The following TENM3 variants were observed in gnomAD, a reference collection of about 807,000 sequenced individuals.
TENM3 encodes teneurin transmembrane protein 3.
TENM3 carries 63 observed loss-of-function variants against 255.1 expected under a neutral mutation model. The observed-to-expected ratio is 0.25, with a 90% CI of 0.20 to 0.30. The LOEUF (loss-of-function observed/expected upper bound fraction) is 0.30, where lower values mean the gene tolerates loss of function less well. Among genes scored for constraint, TENM3 ranks in the 10% least tolerant of loss-of-function variants. The pLI is 1.00. For missense variants in TENM3, 2,929 were observed against 3,461.1 expected (o/e 0.85, Z 3.86); for synonymous variants, 1,306 against 1,322.3 (o/e 0.99, Z 0.27).
the TENM3 span, among the ~76,000 whole-genome samples, chr4:181,825,426 A>T: frequency 1.3e-5 from 1 of 76,102 alleles, no homozygotes; most frequent in Non-Finnish European, 3.6e-5. Context: ...AAAAAAAAAA[A>T]CAGAGAATAG....
At chr4:181,620,618 G>A in the TENM3 span, among the ~76,000 whole-genome samples, 29 of 150,602 alleles carry the variant, frequency 1.9e-4, no homozygotes, top group Non-Finnish European at 3.4e-4. Flanking sequence ...CTGACATTTG[G>A]CAGGGAAAGC....
intron 1 of TENM3, among the ~76,000 whole-genome samples, chr4:182,217,553 A>T (rs1001375940): frequency 6.6e-6 from 1 of 152,126 alleles, no homozygotes; most frequent in Non-Finnish European, 1.5e-5. Flanking sequence ...TGTTCGAGGT[A>T]CTTTACCGGT....
intron 3 of TENM3, among the ~76,000 whole-genome samples, chr4:182,518,630 C>T (rs1490171126): frequency 6.6e-6 from 1 of 152,150 alleles, no homozygotes; most frequent in African/African-American, 2.4e-5. Flanking sequence ...TGCCAACGAC[C>T]TGGATGAATT....
Position 182,346,782 on chromosome 4 carries a change from A to C in TENM3, c.364A>C (p.Asn122His). The C allele has an allele frequency of 6.2e-7, 1 of 1,613,622 alleles. No individual in the cohort carries two copies. Among genetic ancestry groups the C allele is most frequent in the Non-Finnish European group, 8.5e-7 (1 of 1,179,780 alleles). ...ISAGSDADTE[N>H]EAVMSPEHAM... ...TGCAGGGTCAGATGCTGATACTGAA[A>C]ATGAAGCAGTGATGTCCCCAGAGCA... Residue 122 changes from asparagine (N) to histidine (H), a missense_variant, in exon 3 of 28, where the codon AAT becomes CAT. Transcript: ENST00000511685.
intron 3 of TENM3, among the ~76,000 whole-genome samples, chr4:182,565,262 A>G (rs1372844669): frequency 1.3e-5 from 2 of 152,204 alleles, no homozygotes; most frequent in Non-Finnish European, 1.5e-5. Context: ...CACTCAAGAT[A>G]ATAGAACCGA....
chr4:181,814,109 T>G, the TENM3 span, among the ~76,000 whole-genome samples: 1 of 152,082 alleles, frequency 6.6e-6, no homozygotes, highest in African/African-American at 2.4e-5. Flanking sequence ...TAGAGAAGGT[T>G]AAGAAACAAA....
the TENM3 span, among the ~76,000 whole-genome samples, chr4:181,808,795 G>A: frequency 3.9e-5 from 6 of 152,190 alleles, no homozygotes; most frequent in Non-Finnish European, 5.9e-5. Flanking sequence ...ATTCTATTAC[G>A]ATCACATACT....
intron 1 of TENM3, among the ~76,000 whole-genome samples, chr4:182,278,491 G>T (rs913791276): frequency 6.6e-6 from 1 of 152,118 alleles, no homozygotes; most frequent in Non-Finnish European, 1.5e-5. Flanking sequence ...ATCTGCTGGG[G>T]CTGCTGAGTG....
chr4:182,038,218 A>T, the TENM3 span, among the ~76,000 whole-genome samples: 3 of 151,444 alleles, frequency 2.0e-5, no homozygotes, highest in African/African-American at 7.3e-5. Flanking sequence ...TCCATTGGCA[A>T]AGATTCATTG....
the TENM3 span, among the ~76,000 whole-genome samples, chr4:181,913,625 G>C: frequency 6.6e-6 from 1 of 152,128 alleles, no homozygotes. Flanking sequence ...TACAGAACAG[G>C]TGACCAGGGA....
chr4:182,681,636 C>T (rs1460571510), intron 10 of TENM3, among the ~76,000 whole-genome samples, 178 bp from the exon 11 acceptor site: 1 of 152,188 alleles, frequency 6.6e-6, no homozygotes, highest in African/African-American at 2.4e-5. Context: ...TAGGCTGGAT[C>T]TTAATGCTTT....
intron 1 of TENM3, among the ~76,000 whole-genome samples, chr4:182,229,775 T>C (rs1756441018): frequency 1.3e-5 from 2 of 152,172 alleles, no homozygotes; most frequent in African/African-American, 4.8e-5. Flanking sequence ...TCCATTTCTC[T>C]TGTGATAACA....
At chr4:182,582,458 G>A (rs10520536) in intron 3 of TENM3, among the ~76,000 whole-genome samples, 24,182 of 152,066 alleles carry the variant, frequency 0.16, 2,033 homozygotes, top group African/African-American at 0.22. Context: ...AGCCTATTGC[G>A]TAATCAGCTT....
At chr4:182,438,350 C>T (rs1772202754) in intron 3 of TENM3, among the ~76,000 whole-genome samples, 1 of 152,160 alleles carries the variant, frequency 6.6e-6, no homozygotes, top group Non-Finnish European at 1.5e-5. Flanking sequence ...AAGATATCTG[C>T]TTGTCTGAGT....
the TENM3 span, among the ~76,000 whole-genome samples, chr4:181,783,556 C>T: frequency 6.6e-6 from 1 of 152,132 alleles, no homozygotes; most frequent in Admixed American, 6.6e-5. Flanking sequence ...GAATCATTTT[C>T]TCTTTATTCC....
At chr4:182,531,651 C>G (rs1244972959) in intron 3 of TENM3, among the ~76,000 whole-genome samples, 1 of 152,136 alleles carries the variant, frequency 6.6e-6, no homozygotes, top group Non-Finnish European at 1.5e-5. Flanking sequence ...CTTCCAAGAC[C>G]TCTCCTGTGT....
chr4:182,241,537 TGAGGCGGAG>T (rs1757261075), upstream of TENM3, among the ~76,000 whole-genome samples: 1 of 147,750 alleles, frequency 6.8e-6, no homozygotes, highest in Non-Finnish European at 1.5e-5. Context: ...TTTTTTTTTG[TGAGGCGGAG>T]TCTTACTCTG....
At chr4:182,485,211 G>T (rs1449599920) in intron 3 of TENM3, among the ~76,000 whole-genome samples, 3 of 152,104 alleles carry the variant, frequency 2.0e-5, no homozygotes, top group Admixed American at 2.0e-4. Flanking sequence ...TGACATAAGT[G>T]TATATATAAC....
At chr4:181,757,213 T>A in the TENM3 span, among the ~76,000 whole-genome samples, 1 of 152,204 alleles carries the variant, frequency 6.6e-6, no homozygotes, top group East Asian at 1.9e-4. Flanking sequence ...CAATACACAC[T>A]TTTCACTAGC....
Sources: allele counts gnomAD v4.1 joint callset (sites outside exome capture counted in the v4.1 genomes callset), GRCh38; gene constraint gnomAD v4.1.1; transcripts MANE v1.5; gene names NCBI Gene and HGNC (gene_info 2026-07-23, HGNC 2026-07-21).